SMIM10L3: variants seen among roughly 807,000 people sequenced by gnomAD.
The protein encoded by SMIM10L3 is salivary gland specific protein SAGSIN1.
chr7:6,338,145 C>T, the SMIM10L3 span, among the ~76,000 whole-genome samples: 2 of 152,180 alleles, frequency 1.3e-5, no homozygotes, highest in African/African-American at 4.8e-5. Context: ...TTTTGGCTCA[C>T]AGCCCTCAAC....
the SMIM10L3 span, among the ~76,000 whole-genome samples, chr7:6,339,427 A>AC: frequency 2.0e-5 from 3 of 151,402 alleles, no homozygotes; most frequent in Non-Finnish European, 4.4e-5. Flanking sequence ...ACATAGCAAG[A>AC]CCCCATCTCC....
the SMIM10L3 span, among the ~76,000 whole-genome samples, chr7:6,346,850 G>A: frequency 1.1e-4 from 17 of 152,148 alleles, 1 homozygote; most frequent in African/African-American, 4.1e-4. Context: ...TGGTTCTACT[G>A]CTCAGACTGG....
At chr7:6,330,100 G>A in the SMIM10L3 span, 7 of 425,832 alleles carry the variant, frequency 1.6e-5, no homozygotes, top group Admixed American at 4.3e-5. Context: ...AAATCCGTAT[G>A]TTCTAATCTG....
At chr7:6,347,883 T>TTTTATTATTAATTA in the SMIM10L3 span, among the ~76,000 whole-genome samples, 4 of 131,538 alleles carry the variant, frequency 3.0e-5, no homozygotes, top group African/African-American at 8.5e-5. Context: ...ACGAGACCCC[T>TTTTATTATTAATTA]TTATTATTAT....
chr7:6,347,187 G>A, the SMIM10L3 span, among the ~76,000 whole-genome samples: 1 of 152,194 alleles, frequency 6.6e-6, no homozygotes, highest in African/African-American at 2.4e-5. Context: ...ATAAAAGAAA[G>A]AAAAAGGCAA....
the SMIM10L3 span, among the ~76,000 whole-genome samples, chr7:6,342,891 A>G: frequency 2.0e-5 from 3 of 151,778 alleles, no homozygotes; most frequent in Non-Finnish European, 4.4e-5. Context: ...GAAAAAATCA[A>G]CCAGGCATGG....
chr7:6,348,651 G>A, the SMIM10L3 span: 1 of 511,036 alleles, frequency 2.0e-6, no homozygotes, highest in Non-Finnish European at 3.5e-6. Flanking sequence ...AGGCCAGGTC[G>A]AAGAAGATGA....
the SMIM10L3 span, among the ~76,000 whole-genome samples, chr7:6,332,185 G>A: frequency 6.6e-6 from 1 of 151,528 alleles, no homozygotes; most frequent in Non-Finnish European, 1.5e-5. Flanking sequence ...ATGCTACCTA[G>A]TGCATCCTTC....
chr7:6,347,252 C>T, the SMIM10L3 span, among the ~76,000 whole-genome samples: 71 of 152,272 alleles, frequency 4.7e-4, 1 homozygote, highest in African/African-American at 1.5e-3. Flanking sequence ...CTGTGGCTGA[C>T]GCCTATAATC....
At chr7:6,347,883 T>TTTATTATTATTATTATTATTATTATTA in the SMIM10L3 span, among the ~76,000 whole-genome samples, 25 of 131,534 alleles carry the variant, frequency 1.9e-4, no homozygotes, top group African/African-American at 6.8e-4. Context: ...ACGAGACCCC[T>TTTATTATTATTATTATTATTATTATTA]TTATTATTAT....
At chr7:6,337,483 G>C in the SMIM10L3 span, among the ~76,000 whole-genome samples, 1 of 151,742 alleles carries the variant, frequency 6.6e-6, no homozygotes, top group Non-Finnish European at 1.5e-5. Context: ...GAAAAATTAA[G>C]TTTCTAACCA....
At chr7:6,333,521 C>T in the SMIM10L3 span, among the ~76,000 whole-genome samples, 28 of 152,064 alleles carry the variant, frequency 1.8e-4, no homozygotes, top group African/African-American at 6.0e-4. Flanking sequence ...GTTTTTGAGA[C>T]GAGGTCTCAC....
chr7:6,343,236 G>A, the SMIM10L3 span, among the ~76,000 whole-genome samples: 1 of 150,742 alleles, frequency 6.6e-6, no homozygotes, highest in Non-Finnish European at 1.5e-5. Flanking sequence ...AATTAGCTGG[G>A]CGTGGTACCA....
the SMIM10L3 span, among the ~76,000 whole-genome samples, chr7:6,331,738 CTTTTTTTTT>C: frequency 8.5e-6 from 1 of 117,764 alleles, no homozygotes; most frequent in East Asian, 2.5e-4. Context: ...ATAATAGAGG[CTTTTTTTTT>C]TTTTTTTTTT....
chr7:6,344,083 C>T, the SMIM10L3 span, among the ~76,000 whole-genome samples: 1 of 151,310 alleles, frequency 6.6e-6, no homozygotes, highest in Admixed American at 6.6e-5. Context: ...TGGTGTCTCA[C>T]TATGTTGCCC....
At chr7:6,341,782 G>A in the SMIM10L3 span, 1 of 151,880 alleles carries the variant, frequency 6.6e-6, no homozygotes, top group Non-Finnish European at 1.5e-5. Flanking sequence ...TAGATCACCT[G>A]AGGTCAGGGG....
At chr7:6,347,465 G>A in the SMIM10L3 span, among the ~76,000 whole-genome samples, 1 of 151,938 alleles carries the variant, frequency 6.6e-6, no homozygotes, top group East Asian at 1.9e-4. Flanking sequence ...GCAGTGAGCT[G>A]AGATGGCGCC....
At chr7:6,345,788 A>T in the SMIM10L3 span, among the ~76,000 whole-genome samples, 1 of 151,590 alleles carries the variant, frequency 6.6e-6, no homozygotes, top group African/African-American at 2.4e-5. Flanking sequence ...TATTTTTTTG[A>T]GACAGAGTCT....
At chr7:6,340,027 G>C in the SMIM10L3 span, among the ~76,000 whole-genome samples, 1 of 152,144 alleles carries the variant, frequency 6.6e-6, no homozygotes, top group Non-Finnish European at 1.5e-5. Flanking sequence ...TGGGATTACA[G>C]GCATGCACCA....
Sources: gnomAD v4.1 joint callset for allele counts (sites outside exome capture counted in the v4.1 genomes callset) on GRCh38, gnomAD v4.1.1 for gene constraint, MANE v1.5 for transcripts, NCBI Gene and HGNC (gene_info 2026-07-23, HGNC 2026-07-21) for gene names.